VWA3B: variants seen among roughly 807,000 people sequenced by gnomAD.
VWA3B encodes von Willebrand factor A domain-containing protein 3B.
Under a neutral mutation model 158.3 loss-of-function variants are expected in VWA3B, and 138 were observed. The observed-to-expected ratio is 0.87, with a 90% CI of 0.76 to 1.00. VWA3B has a LOEUF of 1.00. Ranked by LOEUF, VWA3B falls within the 50% of genes least tolerant of loss-of-function variation. VWA3B has a pLI of 0.00. For synonymous variants in VWA3B, 596 were observed against 587.3 expected, an observed-to-expected ratio of 1.01 and a Z score of -0.21; for missense variants, 1,555 against 1,565.1, an observed-to-expected ratio of 0.99 and a Z score of 0.11.
At chr2:98,323,916 A>G in the VWA3B span, among the ~76,000 whole-genome samples, 1 of 152,220 alleles carries the variant, frequency 6.6e-6, no homozygotes, top group Admixed American at 6.5e-5. Flanking sequence ...AAGTAAGCAG[A>G]TTCTGATGTG....
chr2:98,306,610 G>T (rs915535249), intron 26 of VWA3B, among the ~76,000 whole-genome samples: 4 of 152,124 alleles, frequency 2.6e-5, no homozygotes, highest in Non-Finnish European at 5.9e-5. Flanking sequence ...TTCCTATGAT[G>T]TCCAAATTAC....
At chr2:98,143,111 C>G (rs1030256661) in intron 7 of VWA3B, among the ~76,000 whole-genome samples, 1 of 152,156 alleles carries the variant, frequency 6.6e-6, no homozygotes, top group Non-Finnish European at 1.5e-5. Flanking sequence ...ATGATCTTGG[C>G]TCACTGCAAC....
At chr2:98,283,162 C>T (rs1047719099) in intron 22 of VWA3B, among the ~76,000 whole-genome samples, 4 of 152,192 alleles carry the variant, frequency 2.6e-5, no homozygotes, top group Non-Finnish European at 4.4e-5. Context: ...AAATAAATTA[C>T]GTGACTCTAC....
chr2:98,162,084 C>G (rs1489574765), intron 7 of VWA3B, among the ~76,000 whole-genome samples: 2 of 152,158 alleles, frequency 1.3e-5, no homozygotes, highest in Non-Finnish European at 2.9e-5. Flanking sequence ...GACTTTGATA[C>G]AGTTAAGGTA....
At chr2:98,311,316 C>G (rs1690877329) in intron 26 of VWA3B, among the ~76,000 whole-genome samples, 1 of 152,230 alleles carries the variant, frequency 6.6e-6, no homozygotes, top group South Asian at 2.1e-4. Context: ...TCTGTGACTT[C>G]ATAGTCATTC....
chr2:98,321,882 A>G, the VWA3B span, among the ~76,000 whole-genome samples: 1 of 152,268 alleles, frequency 6.6e-6, no homozygotes, highest in African/African-American at 2.4e-5. Context: ...CTCATCTTGA[A>G]TTTTAGCTCC....
At chr2:98,254,105 C>T (rs2105814844) in intron 20 of VWA3B, among the ~76,000 whole-genome samples, 1 of 152,302 alleles carries the variant, frequency 6.6e-6, no homozygotes, top group South Asian at 2.1e-4. Context: ...CTCAGTGTTT[C>T]TAAGCCTTGC....
chr2:98,201,942 T>C lies in VWA3B; in HGVS notation c.1737+7450T>C, dbSNP rs199654953. Among the ~76,000 whole-genome samples, 33 of 152,332 alleles carry C rather than the reference T, an allele frequency of 2.2e-4. No individual in the cohort carries two copies. The East Asian group carries it at 5.6e-3, about 26-fold the overall frequency. The stretch of plus-strand genomic sequence containing the variant: ...TTAACCTATCTTGTTGAGGTTTTTT[T>C]GTCTATATTCATGAGGAATATTGGT... On this transcript the variant is annotated intron_variant, in intron 12 of 27. Transcript: ENST00000477737.
At chr2:98,135,429 G>A (rs1228134496) in intron 7 of VWA3B, among the ~76,000 whole-genome samples, 6 of 139,480 alleles carry the variant, frequency 4.3e-5, no homozygotes, top group South Asian at 2.4e-4. Context: ...TCCGCCTCCC[G>A]GGTTCACGCC....
chr2:98,312,535 A>G lies in VWA3B; in HGVS notation c.*186A>G, dbSNP rs180740752. 1.0e-4 allele frequency: 68 copies of G among 681,866 alleles called. No homozygotes were observed. The East Asian group carries it at 1.5e-3, about 15-fold the overall frequency. 42.2% of individuals were successfully genotyped at this position (681,866 alleles called of 1,614,324 possible). A position where few individuals can be genotyped will look rare whatever the true frequency, so the allele number is the denominator to read the frequency against. ...TGCTGCCTCCCCTACCCGTTTGACG[A>G]CTTGGTTCTGGCTTTTTCTGACTGT... On this transcript the variant is annotated 3_prime_UTR_variant, in exon 28 of 28. Coordinates refer to ENST00000477737, the MANE Select transcript of VWA3B (RefSeq NM_144992.5).
Position 98,180,961 on chromosome 2 carries a change from G to C in VWA3B, c.1115-55G>C, listed in dbSNP as rs562958916. On this transcript the variant is annotated intron_variant, in intron 8 of 27. Coordinates refer to ENST00000477737, the MANE Select transcript of VWA3B (RefSeq NM_144992.5). ...CAAGTTGGTCAATATTAAGTTGGGG[G>C]TGTAATATGAATGGCTCATGCAGTA... is the stretch of plus-strand genomic sequence containing the variant. 244 of 1,549,692 alleles carry C rather than the reference G, an allele frequency of 1.6e-4. 1 individual carries two copies. Among genetic ancestry groups the C allele is most frequent in the South Asian group, 7.3e-4 (62 of 85,086 alleles).
chr2:98,289,208 T>C (rs1011874106), intron 22 of VWA3B, among the ~76,000 whole-genome samples: 4 of 152,206 alleles, frequency 2.6e-5, no homozygotes, highest in African/African-American at 9.6e-5. Context: ...ATGTTAGATA[T>C]ATATATGCAT....
chr2:98,095,149 T>C (rs964935165), intron 2 of VWA3B, among the ~76,000 whole-genome samples: 52 of 152,226 alleles, frequency 3.4e-4, no homozygotes, highest in African/African-American at 1.3e-3. Context: ...TTGTTTTTTC[T>C]ATGTCTGTGA....
At chr2:98,117,846 G>A (rs977195873) in intron 3 of VWA3B, among the ~76,000 whole-genome samples, 11 of 149,216 alleles carry the variant, frequency 7.4e-5, no homozygotes, top group African/African-American at 9.9e-5. Context: ...GCGTTCAAGC[G>A]ATTCTCCAGC....
chr2:98,173,493 C>T (rs1470779182), intron 8 of VWA3B, among the ~76,000 whole-genome samples: 2 of 152,178 alleles, frequency 1.3e-5, no homozygotes, highest in Non-Finnish European at 2.9e-5. Flanking sequence ...CAAACATTTG[C>T]AGAAAAATAC....
At chr2:98,265,613 C>T (rs1470540677) in intron 21 of VWA3B, among the ~76,000 whole-genome samples, 5 of 148,422 alleles carry the variant, frequency 3.4e-5, no homozygotes, top group Admixed American at 2.7e-4. Flanking sequence ...CCTGAGGAAT[C>T]GCCACACTGA....
intron 14 of VWA3B, among the ~76,000 whole-genome samples, chr2:98,219,556 G>T (rs1684310286): frequency 6.6e-6 from 1 of 152,156 alleles, no homozygotes; most frequent in African/African-American, 2.4e-5. Flanking sequence ...TTCCAAATTG[G>T]ATTATGGCTA....
At chr2:98,167,799 A>G (rs945203710) in intron 8 of VWA3B, among the ~76,000 whole-genome samples, 10 of 152,200 alleles carry the variant, frequency 6.6e-5, no homozygotes, top group Non-Finnish European at 1.0e-4. Flanking sequence ...CAGGACCAAG[A>G]ACAGTGCCTG....
intron 14 of VWA3B, among the ~76,000 whole-genome samples, chr2:98,219,532 A>C (rs934201702): frequency 4.6e-5 from 7 of 152,258 alleles, no homozygotes; most frequent in African/African-American, 1.4e-4. Context: ...CTGAAGCAAC[A>C]GTGGCCAAAA....
Sources: allele counts gnomAD v4.1 joint callset (sites outside exome capture counted in the v4.1 genomes callset), GRCh38; gene constraint gnomAD v4.1.1; transcripts MANE v1.5; gene names NCBI Gene and HGNC (gene_info 2026-07-23, HGNC 2026-07-21).